The following CORIN variants were observed in gnomAD, a reference collection of about 807,000 sequenced individuals.
CORIN encodes the protein corin, serine peptidase, also known as atrial natriuretic peptide-converting enzyme.
In CORIN, 117 loss-of-function variants were observed where a neutral mutation model predicts 125.3. The observed-to-expected ratio is 0.93, with a 90% CI of 0.80 to 1.09. CORIN has a LOEUF of 1.09. Among genes scored for constraint, CORIN ranks in the 50% least tolerant of loss-of-function variants. The pLI, the probability that CORIN is intolerant of heterozygous loss-of-function variation, is 0.00. For missense variants in CORIN, 1,253 were observed against 1,306.7 expected (o/e 0.96, Z 0.63); for synonymous variants, 450 against 466.4 (o/e 0.96, Z 0.45).
At chr4:47,609,621 G>A (rs1357672677) in intron 19 of CORIN, among the ~76,000 whole-genome samples, 4 of 151,958 alleles carry the variant, frequency 2.6e-5, no homozygotes, top group Admixed American at 6.6e-5. Context: ...TTTAAGTTCC[G>A]GGATACATGT....
intron 13 of CORIN, among the ~76,000 whole-genome samples, chr4:47,652,436 C>T (rs1723773382): frequency 6.6e-6 from 1 of 152,184 alleles, no homozygotes; most frequent in African/African-American, 2.4e-5. Flanking sequence ...AGATGTACTG[C>T]CTTACGTGCT....
At chr4:47,603,742 A>T in intron 19 of CORIN, 74 bp from the exon 20 acceptor site, 3 of 1,505,544 alleles carry the variant, frequency 2.0e-6, no homozygotes, top group Non-Finnish European at 2.7e-6. Context: ...GTAATTTTAA[A>T]ACATTTTATT....
chr4:47,797,454 C>G (rs1731345761), intron 2 of CORIN, among the ~76,000 whole-genome samples: 1 of 151,820 alleles, frequency 6.6e-6, no homozygotes, highest in South Asian at 2.1e-4. Context: ...GTCAAACTTG[C>G]CATCACGTTA....
At chr4:47,597,972 T>TA (rs1721315468) in intron 21 of CORIN, among the ~76,000 whole-genome samples, 2 of 151,984 alleles carry the variant, frequency 1.3e-5, no homozygotes, top group African/African-American at 2.4e-5. Flanking sequence ...TGGAGAGGAA[T>TA]AAAAAATGCC....
At chr4:47,735,805 A>G (rs1728104107) in intron 5 of CORIN, among the ~76,000 whole-genome samples, 5 of 152,050 alleles carry the variant, frequency 3.3e-5, no homozygotes, top group Admixed American at 3.3e-4. Flanking sequence ...CTGTAGTCCC[A>G]GCTACTCCGG....
chr4:47,604,937 C>T (rs1721591341), intron 19 of CORIN, among the ~76,000 whole-genome samples: 1 of 152,146 alleles, frequency 6.6e-6, no homozygotes, highest in African/African-American at 2.4e-5. Context: ...TCCTAGACTC[C>T]CCTGGCCTCT....
At chr4:47,805,206 T>C (rs1731737430) in intron 2 of CORIN, among the ~76,000 whole-genome samples, 1 of 151,126 alleles carries the variant, frequency 6.6e-6, no homozygotes, top group South Asian at 2.1e-4. Context: ...AAATAGAGTA[T>C]AATTGGATTA....
In CORIN at chr4:47,623,706, A is replaced by C; in HGVS notation, c.2405T>G (p.Ile802Ser). Residue 802 changes from isoleucine to serine, a missense_variant, in exon 19 of 22, where the codon ATC becomes AGC. Ile to Ser is a moderately radical substitution (Grantham distance 142). Coordinates refer to ENST00000273857, the MANE Select transcript of CORIN (RefSeq NM_006587.4). The part of the protein sequence containing the change: ...RRPAARMNKR[I>S]LGGRTSRPGR... ...AGGGCGACTCGTCCGACCTCCAAGGATCCTTTTGTTCATTCGGGCAGCAGG... is the reference window on the plus strand; with the variant it reads ...AGGGCGACTCGTCCGACCTCCAAGGCTCCTTTTGTTCATTCGGGCAGCAGG... The C allele has an allele frequency of 6.2e-7, 1 of 1,614,206 alleles. No individual in the cohort carries two copies. Among genetic ancestry groups the C allele is most frequent in the South Asian group, 1.1e-5 (1 of 91,080 alleles).
intron 10 of CORIN, among the ~76,000 whole-genome samples, chr4:47,668,644 C>T (rs921057100): frequency 6.6e-6 from 1 of 152,180 alleles, no homozygotes; most frequent in African/African-American, 2.4e-5. Flanking sequence ...TTTCTACCAC[C>T]CCATCAAGGT....
At chr4:47,649,095 C>A (rs1468023285) in intron 13 of CORIN, among the ~76,000 whole-genome samples, 3 of 152,232 alleles carry the variant, frequency 2.0e-5, no homozygotes, top group Admixed American at 2.0e-4. Context: ...CACCATCCAG[C>A]TGGAAAGTCG....
intron 2 of CORIN, among the ~76,000 whole-genome samples, chr4:47,801,974 T>A (rs1731564692): frequency 6.6e-6 from 1 of 152,116 alleles, no homozygotes; most frequent in Non-Finnish European, 1.5e-5. Context: ...AGTGGGTGTG[T>A]GGCATGGAGA....
chr4:47,738,350 G>T (rs1319779524), intron 5 of CORIN, among the ~76,000 whole-genome samples: 3 of 152,104 alleles, frequency 2.0e-5, no homozygotes, highest in Non-Finnish European at 4.4e-5. Flanking sequence ...TACTGACTAT[G>T]CACCCTAACA....
intron 3 of CORIN, among the ~76,000 whole-genome samples, chr4:47,775,871 T>A (rs942125804): frequency 6.6e-6 from 1 of 152,196 alleles, no homozygotes; most frequent in African/African-American, 2.4e-5. Context: ...TCCATTTCTA[T>A]GGATTTGGGG....
chr4:47,763,325 G>T, intron 4 of CORIN, 54 bp downstream of exon 4: 1 of 1,427,026 alleles, frequency 7.0e-7, no homozygotes, highest in Admixed American at 1.9e-5. Context: ...TTTCTCCTAG[G>T]ACACTTCTGC....
In CORIN at chr4:47,643,269, A is replaced by G. The variant is rs1723313534; in HGVS notation, c.1958-13T>C. On this transcript the variant is annotated splice_polypyrimidine_tract_variant and intron_variant, in intron 14 of 21. Transcript: ENST00000273857. ...TCTTGGCAAAATGCTGGCATGGGGAACAAAAAGTGAGAAGGAAAACATTTT... is the reference window on the plus strand; with the variant it reads ...TCTTGGCAAAATGCTGGCATGGGGAGCAAAAAGTGAGAAGGAAAACATTTT... 4 of 1,584,154 alleles carry G rather than the reference A, an allele frequency of 2.5e-6. No individual in the cohort carries two copies. The highest frequency in any genetic ancestry group is 1.8e-5 in the Admixed American group (1 of 54,606).
chr4:47,597,899 A>G (rs917670983), intron 21 of CORIN, among the ~76,000 whole-genome samples: 1 of 152,226 alleles, frequency 6.6e-6, no homozygotes, highest in Non-Finnish European at 1.5e-5. Context: ...AAGGATAACC[A>G]CATGAAAGCA....
chr4:47,731,996 G>A (rs1476698775), intron 5 of CORIN, among the ~76,000 whole-genome samples: 1 of 152,178 alleles, frequency 6.6e-6, no homozygotes, highest in Non-Finnish European at 1.5e-5. Context: ...TTTCTTGAGA[G>A]GTGTAAGCAA....
chr4:47,618,224 C>A (rs555743202), intron 19 of CORIN, among the ~76,000 whole-genome samples: 1 of 151,492 alleles, frequency 6.6e-6, no homozygotes, highest in Admixed American at 6.6e-5. Flanking sequence ...ATCCCAGCTA[C>A]TTGGGAGGCT....
intron 3 of CORIN, among the ~76,000 whole-genome samples, chr4:47,781,965 T>G (rs1730567946): frequency 6.7e-6 from 1 of 148,916 alleles, no homozygotes; most frequent in Non-Finnish European, 1.5e-5. Context: ...TCAAAAATGG[T>G]TAGAAGAAAT....
Sources: gnomAD v4.1 joint callset for allele counts (sites outside exome capture counted in the v4.1 genomes callset) on GRCh38, gnomAD v4.1.1 for gene constraint, MANE v1.5 for transcripts, NCBI Gene and HGNC (gene_info 2026-07-23, HGNC 2026-07-21) for gene names.